Variants in MAST4 observed in about 807,000 individuals in gnomAD.
MAST4 encodes the protein microtubule-associated serine/threonine-protein kinase 4.
A neutral mutation model predicts 162.7 loss-of-function variants in MAST4; 89 were observed. That is an observed-to-expected ratio of 0.55 (90% CI 0.46 to 0.65). The LOEUF (loss-of-function observed/expected upper bound fraction) is 0.65, where lower values mean the gene tolerates loss of function less well. Ranked by LOEUF, MAST4 falls within the 30% of genes least tolerant of loss-of-function variation. MAST4 has a pLI of 0.00. For synonymous variants in MAST4, 1,479 were observed against 1,361.1 expected (o/e 1.09, Z -1.91); for missense variants, 3,153 against 3,374.0 (o/e 0.93, Z 1.62).
In MAST4 at chr5:67,167,075, T is replaced by C. The variant is rs758759483; in HGVS notation, c.*24T>C. On this transcript the variant is annotated 3_prime_UTR_variant, in exon 29 of 29. Coordinates refer to ENST00000403625, the MANE Select transcript of MAST4 (RefSeq NM_001164664.2). ...AACGGGGAGGGCCCAGGGGCAGGAC[T>C]GTGGAGACCCGTCCTGAACGGGCGA... The C allele has an allele frequency of 1.3e-6, 2 of 1,538,612 alleles. No homozygotes were observed. Among genetic ancestry groups the C allele is most frequent in the South Asian group, 2.5e-5 (2 of 80,208 alleles).
chr5:66,750,154 T>C (rs1753045332), intron 1 of MAST4, among the ~76,000 whole-genome samples: 1 of 152,240 alleles, frequency 6.6e-6, no homozygotes, highest in Admixed American at 6.5e-5. Flanking sequence ...TCTCTTTTTT[T>C]AAGCATAAAA....
chr5:67,012,983 GGTAAGAAGAATAGGCA>G (rs1752873810), intron 4 of MAST4, among the ~76,000 whole-genome samples: 1 of 152,098 alleles, frequency 6.6e-6, no homozygotes, highest in African/African-American at 2.4e-5. Flanking sequence ...AAAATAGATT[GGTAAGAAGAATAGGCA>G]GTCATTACTG....
At chr5:66,798,236 T>TCA (rs147830648) in intron 3 of MAST4, among the ~76,000 whole-genome samples, 7,442 of 152,152 alleles carry the variant, frequency 0.049, 271 homozygotes, top group South Asian at 0.13. Context: ...AAATGTGGAG[T>TCA]AGTGTGGTAA....
intron 1 of MAST4, among the ~76,000 whole-genome samples, chr5:66,733,656 A>G (rs1751995150): frequency 6.6e-6 from 1 of 152,012 alleles, no homozygotes; most frequent in Non-Finnish European, 1.5e-5. Context: ...ATGGGGTTTC[A>G]CTATGTTGGG....
At chr5:66,598,688 A>G (rs1391172191) in intron 1 of MAST4, among the ~76,000 whole-genome samples, 1 of 152,180 alleles carries the variant, frequency 6.6e-6, no homozygotes, top group African/African-American at 2.4e-5. Context: ...TAACTTAATG[A>G]TTCACCAATA....
intron 4 of MAST4, among the ~76,000 whole-genome samples, chr5:67,029,734 A>G (rs1410285394): frequency 6.6e-6 from 1 of 152,154 alleles, no homozygotes; most frequent in Admixed American, 6.6e-5. Context: ...ATGAAGAATG[A>G]AAGTGAGGTG....
intron 3 of MAST4, among the ~76,000 whole-genome samples, chr5:66,858,993 G>A (rs1330799250): frequency 6.6e-6 from 1 of 151,734 alleles, no homozygotes; most frequent in East Asian, 1.9e-4. Flanking sequence ...ATTTATTTTT[G>A]TATATTGATC....
At chr5:66,985,574 A>G (rs1047444197) in intron 4 of MAST4, among the ~76,000 whole-genome samples, 2 of 152,166 alleles carry the variant, frequency 1.3e-5, no homozygotes, top group African/African-American at 4.8e-5. Flanking sequence ...GAATGATTTT[A>G]TAACCTACCT....
chr5:66,797,579 T>G (rs150056802), intron 3 of MAST4, among the ~76,000 whole-genome samples: 174 of 152,298 alleles, frequency 1.1e-3, no homozygotes, highest in African/African-American at 4.0e-3. Flanking sequence ...AAACGTGGTC[T>G]TGCTTTTAAG....
At chr5:66,769,794 T>A (rs780865349) in intron 2 of MAST4, among the ~76,000 whole-genome samples, 7 of 152,228 alleles carry the variant, frequency 4.6e-5, no homozygotes, top group Non-Finnish European at 8.8e-5. Context: ...CATTTGAAAT[T>A]TTTAAAGGGC....
intron 1 of MAST4, among the ~76,000 whole-genome samples, chr5:66,659,800 A>G (rs967111072): frequency 2.6e-5 from 4 of 152,258 alleles, no homozygotes; most frequent in African/African-American, 9.6e-5. Flanking sequence ...CGCATGTGCT[A>G]GCAGAGGTGT....
intron 8 of MAST4, among the ~76,000 whole-genome samples, chr5:67,101,845 G>A (rs1765067193): frequency 6.6e-6 from 1 of 151,658 alleles, no homozygotes; most frequent in African/African-American, 2.4e-5. Context: ...AATTCCTAAG[G>A]TGCGTAGTAT....
intron 4 of MAST4, among the ~76,000 whole-genome samples, chr5:66,911,784 C>A (rs1763796385): frequency 6.6e-6 from 1 of 152,080 alleles, no homozygotes; most frequent in African/African-American, 2.4e-5. Flanking sequence ...GAAATATAAT[C>A]TTTCAAGAAA....
chr5:66,909,065 G>A (rs1763569130), intron 4 of MAST4, among the ~76,000 whole-genome samples: 1 of 152,098 alleles, frequency 6.6e-6, no homozygotes, highest in Admixed American at 6.5e-5. Flanking sequence ...TTTTTGTCCT[G>A]TTGAGTTAGA....
chr5:66,933,828 T>C (rs748599459), intron 4 of MAST4, among the ~76,000 whole-genome samples: 6 of 152,196 alleles, frequency 3.9e-5, no homozygotes, highest in Non-Finnish European at 7.3e-5. Flanking sequence ...TGTTGACTTA[T>C]ACAGTTTTTA....
chr5:67,134,387 CTTAAG>C (rs995474879), intron 17 of MAST4, 131 bp from the exon 18 acceptor site: 20 of 579,202 alleles, frequency 3.5e-5, no homozygotes, highest in African/African-American at 2.5e-4. Context: ...AATTGGTGCT[CTTAAG>C]TTCTTTGTCC....
At chr5:67,096,250 T>C (rs1423826711) in intron 7 of MAST4, among the ~76,000 whole-genome samples, 1 of 152,208 alleles carries the variant, frequency 6.6e-6, no homozygotes, top group African/African-American at 2.4e-5. Context: ...AAATGGATAC[T>C]CTTGCCCCAA....
chr5:66,759,739 C>T lies in MAST4; in HGVS notation c.394C>T (p.Pro132Ser), dbSNP rs760953758. 13 of 1,613,866 alleles carry T rather than the reference C, an allele frequency of 8.1e-6. No homozygotes were observed. Among genetic ancestry groups the T allele is most frequent in the Admixed American group, 1.7e-5 (1 of 59,998 alleles). ...LDHILSPPPM[P>S]FRKCSNPDVA... The stretch of plus-strand genomic sequence containing the variant: ...CCACATATTATCCCCTCCACCCATG[C>T]CGTTTCGGAAATGCAGCAACCCAGA... The change falls in exon 2 of 29, where the codon CCG (proline) becomes TCG (serine). Residue 132 changes from proline (P) to serine (S), a missense_variant. Pro to Ser is a moderately conservative substitution (Grantham distance 74). This residue lies in a region of MAST4 where 327 missense variants were observed against 336.5 expected (regional missense o/e 0.97). Transcript: ENST00000403625.
intron 4 of MAST4, among the ~76,000 whole-genome samples, chr5:66,956,065 CT>C (rs1704885130): frequency 6.6e-6 from 1 of 151,898 alleles, no homozygotes; most frequent in Non-Finnish European, 1.5e-5. Context: ...TTAAGTAATC[CT>C]CCCACCTCAG....
Sources: allele counts gnomAD v4.1 joint callset (sites outside exome capture counted in the v4.1 genomes callset), GRCh38; gene constraint gnomAD v4.1.1; regional missense constraint gnomAD v4.1.1; transcripts MANE v1.5; gene names NCBI Gene and HGNC (gene_info 2026-07-23, HGNC 2026-07-21).